Variants in HACL2 observed in about 807,000 individuals in gnomAD.
HACL2 encodes 2-hydroxyacyl-CoA lyase 2.
chr19:15,118,253 A>G, the HACL2 span, among the ~76,000 whole-genome samples: 104 of 152,216 alleles, frequency 6.8e-4, no homozygotes, highest in African/African-American at 2.4e-3. Context: ...TGGCCATAAT[A>G]TCTCCCACCC....
chr19:15,115,341 C>T, the HACL2 span: 1 of 1,614,110 alleles, frequency 6.2e-7, no homozygotes, highest in Admixed American at 1.7e-5. Flanking sequence ...TGCTGCTGGG[C>T]ATCGTGCAGC....
At chr19:15,123,467 A>G in the HACL2 span, 1 of 1,614,172 alleles carries the variant, frequency 6.2e-7, no homozygotes. This position sits in a 1 kb window ranked among gnomAD's most constrained non-coding sequence, Gnocchi z 5.1. Flanking sequence ...ACAGGCCACC[A>G]GCAGCGGGGA....
At chr19:15,115,938 C>A in the HACL2 span, 1 of 1,614,116 alleles carries the variant, frequency 6.2e-7, no homozygotes, top group Non-Finnish European at 8.5e-7. Flanking sequence ...GGGAGGGGAC[C>A]CAGGATGGTT....
chr19:15,121,218 T>C, the HACL2 span, among the ~76,000 whole-genome samples: 1 of 151,930 alleles, frequency 6.6e-6, no homozygotes, highest in Non-Finnish European at 1.5e-5. Context: ...AAGATCGCAC[T>C]ACTGCGCTCC....
chr19:15,116,135 C>T, the HACL2 span: 31 of 1,613,024 alleles, frequency 1.9e-5, no homozygotes, highest in African/African-American at 1.5e-4. Context: ...CTGCCCCAGG[C>T]GGGGGCCCTT....
the HACL2 span, chr19:15,122,761 G>T: frequency 5.6e-5 from 90 of 1,614,032 alleles, no homozygotes; most frequent in Admixed American, 8.3e-5. The surrounding 1 kb of genome is among the most constrained non-coding windows in gnomAD (Gnocchi z 4.0). Context: ...GGACCATGAA[G>T]TAGGGGTACA....
the HACL2 span, chr19:15,115,303 G>A: frequency 5.0e-6 from 8 of 1,614,188 alleles, no homozygotes; most frequent in Middle Eastern, 1.6e-4. Context: ...TGAGGATGTT[G>A]ACCACAACCG....
the HACL2 span, among the ~76,000 whole-genome samples, chr19:15,122,525 A>T: frequency 2.0e-5 from 3 of 152,066 alleles, no homozygotes; most frequent in South Asian, 6.2e-4. This position sits in a 1 kb window ranked among gnomAD's most constrained non-coding sequence, Gnocchi z 4.0. Context: ...CACCCAGTTC[A>T]TTCCTGCCTC....
chr19:15,119,698 G>A, the HACL2 span, among the ~76,000 whole-genome samples: 6 of 152,114 alleles, frequency 3.9e-5, no homozygotes, highest in African/African-American at 9.7e-5. Flanking sequence ...TTACAGGCGC[G>A]TGCCACCATG....
the HACL2 span, chr19:15,116,887 C>T: frequency 3.0e-5 from 8 of 268,018 alleles, no homozygotes; most frequent in Middle Eastern, 4.1e-4. Flanking sequence ...AAGCGCACAG[C>T]GAACGTTACT....
the HACL2 span, chr19:15,124,687 G>T: frequency 5.7e-5 from 31 of 539,618 alleles, no homozygotes; most frequent in African/African-American, 5.9e-4. Flanking sequence ...GAGGTAGGTG[G>T]GGTGCGAGTG....
chr19:15,115,835 G>A, the HACL2 span: 6,062 of 1,613,344 alleles, frequency 3.8e-3, 26 homozygotes, highest in Non-Finnish European at 4.8e-3. Flanking sequence ...GCTTCCCTCA[G>A]GCCAGCCCAG....
the HACL2 span, chr19:15,123,439 A>G: frequency 8.3e-5 from 134 of 1,614,018 alleles, no homozygotes; most frequent in African/African-American, 1.6e-3. This position sits in a 1 kb window ranked among gnomAD's most constrained non-coding sequence, Gnocchi z 5.1. Flanking sequence ...TGTCCACCAC[A>G]CGGATGCCCA....
chr19:15,123,624 G>A, the HACL2 span: 3 of 1,575,642 alleles, frequency 1.9e-6, no homozygotes, highest in Non-Finnish European at 2.6e-6. The surrounding 1 kb of genome is among the most constrained non-coding windows in gnomAD (Gnocchi z 5.1). Context: ...CCAGGGCAGA[G>A]GGCAGCTGGG....
chr19:15,118,012 G>C, the HACL2 span: 24 of 1,614,016 alleles, frequency 1.5e-5, no homozygotes, highest in Admixed American at 3.8e-4. Flanking sequence ...GTCACACACA[G>C]TTCCTGGTGT....
chr19:15,117,942 A>C, the HACL2 span: 1 of 1,614,148 alleles, frequency 6.2e-7, no homozygotes. Flanking sequence ...CTTCCCGATT[A>C]CGATTGACGA....
the HACL2 span, chr19:15,123,273 C>T: frequency 1.2e-6 from 2 of 1,611,168 alleles, no homozygotes; most frequent in Non-Finnish European, 1.7e-6. The surrounding 1 kb of genome is among the most constrained non-coding windows in gnomAD (Gnocchi z 5.1). Context: ...ACAGCCATGC[C>T]CACTCTCTTG....
At chr19:15,122,745 C>T in the HACL2 span, 4 of 1,614,048 alleles carry the variant, frequency 2.5e-6, no homozygotes, top group African/African-American at 1.3e-5. This position sits in a 1 kb window ranked among gnomAD's most constrained non-coding sequence, Gnocchi z 4.0. Context: ...GGCACCATCT[C>T]CTTCTGGACC....
chr19:15,123,715 T>C, the HACL2 span: 1 of 664,474 alleles, frequency 1.5e-6, no homozygotes. The surrounding 1 kb of genome is among the most constrained non-coding windows in gnomAD (Gnocchi z 5.1). Context: ...TGGTTAGGCA[T>C]ATATTATACT....
Sources: allele counts gnomAD v4.1 joint callset (sites outside exome capture counted in the v4.1 genomes callset), GRCh38; gene constraint gnomAD v4.1.1; non-coding constraint Gnocchi (gnomAD v3.1); transcripts MANE v1.5; gene names NCBI Gene and HGNC (gene_info 2026-07-23, HGNC 2026-07-21).